Variants in FSIP1 observed in about 807,000 individuals in gnomAD.
The protein encoded by FSIP1 is fibrous sheath interacting protein 1.
A neutral mutation model predicts 60.9 loss-of-function variants in FSIP1; 65 were observed. The ratio of observed to expected loss-of-function variants is 1.07; its 90% CI spans 0.87 to 1.31. FSIP1 has a LOEUF of 1.31. Ranked by LOEUF, FSIP1 falls within the 40% of genes most tolerant of loss-of-function variation. FSIP1 has a pLI of 0.00. For synonymous variants in FSIP1, 209 were observed against 221.2 expected, an observed-to-expected ratio of 0.94 and a Z score of 0.49; for missense variants, 675 against 665.5, an observed-to-expected ratio of 1.01 and a Z score of -0.16.
At chr15:39,609,632 C>T (rs1284511423) in intron 11 of FSIP1, among the ~76,000 whole-genome samples, 2 of 152,198 alleles carry the variant, frequency 1.3e-5, no homozygotes, top group African/African-American at 4.8e-5. Flanking sequence ...TAGCCTGGCC[C>T]ATCCTGAATG....
intron 1 of FSIP1, among the ~76,000 whole-genome samples, chr15:39,777,869 T>A (rs1898115396): frequency 6.6e-6 from 1 of 152,204 alleles, no homozygotes; most frequent in Non-Finnish European, 1.5e-5. Flanking sequence ...TGACTCATCT[T>A]TCTTTTGCTT....
chr15:39,628,360 C>T (rs893221293), intron 10 of FSIP1, among the ~76,000 whole-genome samples: 4 of 152,288 alleles, frequency 2.6e-5, no homozygotes, highest in Admixed American at 1.3e-4. Context: ...AAAGAGGTCA[C>T]GGCATGTTGT....
chr15:39,762,844 A>T (rs78889550), intron 5 of FSIP1, among the ~76,000 whole-genome samples: 7,520 of 152,282 alleles, frequency 0.049, 656 homozygotes, highest in East Asian at 0.2. Flanking sequence ...AATGAACACA[A>T]ATAAAGGGAA....
intron 10 of FSIP1, among the ~76,000 whole-genome samples, chr15:39,650,833 T>G (rs116158454): frequency 1.2e-4 from 19 of 152,268 alleles, no homozygotes; most frequent in Non-Finnish European, 2.2e-4. Flanking sequence ...TCTGCTTTCT[T>G]ACTAATATAA....
At chr15:39,644,553 A>G (rs920249860) in intron 10 of FSIP1, among the ~76,000 whole-genome samples, 6 of 152,180 alleles carry the variant, frequency 3.9e-5, no homozygotes. Flanking sequence ...TTAATTGCCC[A>G]TGATTTGCTT....
At chr15:39,750,090 G>A (rs901150273) in intron 5 of FSIP1, among the ~76,000 whole-genome samples, 2 of 151,632 alleles carry the variant, frequency 1.3e-5, no homozygotes, top group African/African-American at 2.4e-5. Flanking sequence ...AAAGTACTCA[G>A]GAATAAATTA....
chr15:39,780,775 G>A (rs914301479), intron 1 of FSIP1, among the ~76,000 whole-genome samples: 1 of 152,126 alleles, frequency 6.6e-6, no homozygotes, highest in South Asian at 2.1e-4. Context: ...TTGTAGTAAA[G>A]ACAGGTTTCA....
At chr15:39,631,027 C>T (rs912753120) in intron 10 of FSIP1, among the ~76,000 whole-genome samples, 1 of 152,228 alleles carries the variant, frequency 6.6e-6, no homozygotes, top group Admixed American at 6.5e-5. Context: ...CCCTCTGCAT[C>T]TACTTTCCCT....
chr15:39,710,457 A>AC (rs1200965657), intron 10 of FSIP1, among the ~76,000 whole-genome samples: 5 of 151,976 alleles, frequency 3.3e-5, no homozygotes, highest in African/African-American at 1.2e-4. Flanking sequence ...AAAAAAAAAA[A>AC]AAAACATAAA....
intron 10 of FSIP1, among the ~76,000 whole-genome samples, chr15:39,671,575 TA>T (rs1292437016): frequency 6.6e-6 from 1 of 152,184 alleles, no homozygotes; most frequent in Non-Finnish European, 1.5e-5. Flanking sequence ...GCCACCCTCA[TA>T]AATGCCAAGG....
At chr15:39,673,868 G>T (rs1388346489) in intron 10 of FSIP1, among the ~76,000 whole-genome samples, 1 of 151,286 alleles carries the variant, frequency 6.6e-6, no homozygotes, top group African/African-American at 2.4e-5. Flanking sequence ...CATATATTTT[G>T]TATATATCTT....
At chr15:39,741,229 C>A (rs538023403) in intron 6 of FSIP1, among the ~76,000 whole-genome samples, 46 of 152,304 alleles carry the variant, frequency 3.0e-4, no homozygotes, top group African/African-American at 1.1e-3. Context: ...TCCTTTAAAA[C>A]ATATTTCTAA....
At chr15:39,730,983 T>C (rs1053852384) in intron 8 of FSIP1, among the ~76,000 whole-genome samples, 3 of 152,150 alleles carry the variant, frequency 2.0e-5, no homozygotes, top group Non-Finnish European at 4.4e-5. Flanking sequence ...CCCAATAAAT[T>C]CATTTTCTGT....
intron 9 of FSIP1, among the ~76,000 whole-genome samples, chr15:39,719,432 T>C (rs930879953): frequency 2.6e-5 from 4 of 152,210 alleles, no homozygotes; most frequent in African/African-American, 9.7e-5. Flanking sequence ...ATTTGACTAA[T>C]TGGTTGCCAA....
At chr15:39,651,996 T>C (rs1270770565) in intron 10 of FSIP1, among the ~76,000 whole-genome samples, 1 of 152,184 alleles carries the variant, frequency 6.6e-6, no homozygotes, top group African/African-American at 2.4e-5. Flanking sequence ...GACACACAGA[T>C]TGGAGGACAA....
intron 10 of FSIP1, among the ~76,000 whole-genome samples, chr15:39,659,452 G>A (rs1270422504): frequency 6.6e-6 from 1 of 151,530 alleles, no homozygotes; most frequent in African/African-American, 2.4e-5. Context: ...TGAGGCAGGA[G>A]AATGGCGTGA....
chr15:39,754,548 A>C (rs1897250439), intron 5 of FSIP1, among the ~76,000 whole-genome samples: 1 of 152,090 alleles, frequency 6.6e-6, no homozygotes, highest in African/African-American at 2.4e-5. Flanking sequence ...GGGGATAAAA[A>C]AAAAACAGGT....
Position 39,763,919 on chromosome 15 carries a change from T to C in FSIP1, c.466-5A>G, listed in dbSNP as rs747363688. The C allele has an allele frequency of 2.0e-6, 3 of 1,487,852 alleles. No individual in the cohort carries two copies. Among genetic ancestry groups the C allele is most frequent in the Admixed American group, 1.8e-5 (1 of 54,916 alleles). 92.2% of individuals were successfully genotyped at this position (1,487,852 alleles called of 1,614,324 possible). On this transcript the variant is annotated splice_polypyrimidine_tract_variant and splice_region_variant and intron_variant, in intron 4 of 11. Transcript: ENST00000350221. ...AGCTTCACTATATTTTGCAGACTAA[T>C]GAAAGGAAAATTAAAATTTAAACAT...
At chr15:39,655,869 C>CA (rs983921041) in intron 10 of FSIP1, among the ~76,000 whole-genome samples, 3 of 152,162 alleles carry the variant, frequency 2.0e-5, no homozygotes, top group African/African-American at 7.2e-5. Flanking sequence ...AAGGATCACT[C>CA]ACCAAGGCAC....
Sources: allele counts gnomAD v4.1 joint callset (sites outside exome capture counted in the v4.1 genomes callset), GRCh38; gene constraint gnomAD v4.1.1; transcripts MANE v1.5; gene names NCBI Gene and HGNC (gene_info 2026-07-23, HGNC 2026-07-21).